The following SLC2A9 variants were observed in gnomAD, a reference collection of about 807,000 sequenced individuals.
SLC2A9 encodes the protein solute carrier family 2, facilitated glucose transporter member 9.
A neutral mutation model predicts 50.6 loss-of-function variants in SLC2A9; 39 were observed. The ratio of observed to expected loss-of-function variants is 0.77; its 90% CI spans 0.60 to 1.01. SLC2A9 has a LOEUF of 1.01. Among genes scored for constraint, SLC2A9 ranks in the 50% least tolerant of loss-of-function variants. The pLI is 0.00. For missense variants in SLC2A9, 686 were observed against 677.6 expected, an observed-to-expected ratio of 1.01 and a Z score of -0.14; for synonymous variants, 324 against 276.9, an observed-to-expected ratio of 1.17 and a Z score of -1.69.
At chr4:9,794,160 G>T (rs2867386), downstream of SLC2A9, among the ~76,000 whole-genome samples, 134,050 of 146,438 alleles carry the variant, frequency 0.92, 61,578 homozygotes, top group Middle Eastern at 0.95. Context: ...TTTTTTTTGT[G>T]TGTGTGATAT....
intron 3 of SLC2A9, chr4:9,783,152 T>C: frequency 1.2e-6 from 2 of 1,614,194 alleles, no homozygotes; most frequent in Non-Finnish European, 1.7e-6. Flanking sequence ...GCTGCTGGGG[T>C]GCAGCCACTT....
In SLC2A9 at chr4:9,921,253, C is replaced by T. The variant is rs566182713; in HGVS notation, c.815-681G>A. On this transcript the variant is annotated intron_variant, in intron 6 of 11. Transcript: ENST00000264784. ...TCAAACCCACCCTCATGATTTATGCCTTTTCCATGTTGAACACTGCAAACT... is the reference window on the plus strand; with the variant it reads ...TCAAACCCACCCTCATGATTTATGCTTTTTCCATGTTGAACACTGCAAACT... Among the ~76,000 whole-genome samples the T allele has an allele frequency of 5.9e-5, 9 of 152,308 alleles. No individual in the cohort carries two copies. In the East Asian group the frequency reaches 1.7e-3, roughly 29 times the overall value.
At chr4:10,028,914 G>GCCCAA (rs1436253816) in intron 1 of SLC2A9, 1 of 152,272 alleles carries the variant, frequency 6.6e-6, no homozygotes. Context: ...TGAAGCTTCA[G>GCCCAA]CCCAATCCCT....
At chr4:9,979,872 G>A (rs908405559) in intron 5 of SLC2A9, among the ~76,000 whole-genome samples, 3 of 152,042 alleles carry the variant, frequency 2.0e-5, no homozygotes, top group African/African-American at 7.3e-5. Context: ...GCCCCATCTT[G>A]AGCCTTTTCT....
intron 3 of SLC2A9, among the ~76,000 whole-genome samples, chr4:9,814,822 C>T (rs1029453388): frequency 5.3e-5 from 8 of 151,902 alleles, no homozygotes; most frequent in African/African-American, 1.7e-4. Context: ...GAAAGTTGCA[C>T]GGCTAAGAGA....
intron 5 of SLC2A9, among the ~76,000 whole-genome samples, chr4:9,947,933 T>C (rs572344212): frequency 6.6e-6 from 1 of 152,286 alleles, no homozygotes; most frequent in Non-Finnish European, 1.5e-5. Flanking sequence ...CATGGCGTGG[T>C]ATGTCCCCTC....
chr4:9,852,378 G>T (rs372006802), intron 10 of SLC2A9, among the ~76,000 whole-genome samples: 2 of 151,372 alleles, frequency 1.3e-5, no homozygotes, highest in Admixed American at 6.6e-5. Context: ...TCAGCCTCCC[G>T]AGTAGCTGGG....
chr4:9,776,644 T>C (rs1188554744), downstream of SLC2A9, among the ~76,000 whole-genome samples: 1 of 152,098 alleles, frequency 6.6e-6, no homozygotes, highest in African/African-American at 2.4e-5. Flanking sequence ...AACCTGTGTC[T>C]TTGTACAGTC....
intron 10 of SLC2A9, among the ~76,000 whole-genome samples, chr4:9,870,597 C>T (rs1733262872): frequency 1.3e-5 from 2 of 152,212 alleles, no homozygotes; most frequent in Admixed American, 1.3e-4. Flanking sequence ...AGGAACACTG[C>T]CACGTTTTCG....
At chr4:9,870,626 T>C (rs1222995757) in intron 10 of SLC2A9, among the ~76,000 whole-genome samples, 1 of 152,350 alleles carries the variant, frequency 6.6e-6, no homozygotes, top group African/African-American at 2.4e-5. Flanking sequence ...TTTCAGGCGA[T>C]AAGCTCACTA....
Position 9,826,242 on chromosome 4 carries a change from A to T in SLC2A9, c.*155T>A. ...TGCAATGTTAGATTAGTACAGGTTTACTTTTAAATATTTAATAATATAAAA... is the reference window on the plus strand; with the variant it reads ...TGCAATGTTAGATTAGTACAGGTTTTCTTTTAAATATTTAATAATATAAAA... On this transcript the variant is annotated 3_prime_UTR_variant, in exon 12 of 12. Transcript: ENST00000264784. 1.4e-6 allele frequency: 1 copy of T among 717,086 alleles called. No individual in the cohort carries two copies. The highest frequency in any genetic ancestry group is 2.4e-6 in the Non-Finnish European group (1 of 422,332). 44.4% of individuals were successfully genotyped at this position (717,086 alleles called of 1,614,324 possible). A position where few individuals can be genotyped will look rare whatever the true frequency, so the allele number is the denominator to read the frequency against.
chr4:9,997,684 A>G (rs1403473021), intron 2 of SLC2A9, among the ~76,000 whole-genome samples: 1 of 152,062 alleles, frequency 6.6e-6, no homozygotes, highest in Non-Finnish European at 1.5e-5. Flanking sequence ...TGGGTGACAG[A>G]GTGACACCCT....
At chr4:9,808,325 T>C (rs1312768469) in intron 3 of SLC2A9, among the ~76,000 whole-genome samples, 1 of 152,202 alleles carries the variant, frequency 6.6e-6, no homozygotes, top group East Asian at 1.9e-4. Flanking sequence ...ACTCTATGCC[T>C]GTCATTACGT....
chr4:9,927,030 ATT>A (rs35095818), intron 6 of SLC2A9, among the ~76,000 whole-genome samples: 2,488 of 135,766 alleles, frequency 0.018, 23 homozygotes, highest in Middle Eastern at 0.055. Flanking sequence ...CTGTTGTTCG[ATT>A]TTTTTTTTTT....
At chr4:9,911,471 A>G (rs986366872) in intron 7 of SLC2A9, among the ~76,000 whole-genome samples, 1 of 152,132 alleles carries the variant, frequency 6.6e-6, no homozygotes. Context: ...CACTCAGGAA[A>G]CTTAAGAGTG....
At chr4:9,925,857 G>T (rs1435357120) in intron 6 of SLC2A9, among the ~76,000 whole-genome samples, 2 of 152,108 alleles carry the variant, frequency 1.3e-5, no homozygotes, top group Admixed American at 6.5e-5. Context: ...GCATCAGCAG[G>T]GGGGCCAGTA....
At chr4:9,917,240 G>GA (rs150798586) in intron 7 of SLC2A9, among the ~76,000 whole-genome samples, 3,026 of 144,632 alleles carry the variant, frequency 0.021, 108 homozygotes, top group African/African-American at 0.071. Flanking sequence ...AAGGCAGAGG[G>GA]AAAAAAAAAT....
chr4:9,909,136 T>C (rs1233669634), intron 7 of SLC2A9, among the ~76,000 whole-genome samples: 2 of 152,206 alleles, frequency 1.3e-5, no homozygotes, highest in Non-Finnish European at 2.9e-5. Context: ...AGTTGGGTAA[T>C]GCACAACCTG....
chr4:9,958,600 C>G (rs1190093735), intron 5 of SLC2A9, among the ~76,000 whole-genome samples: 1 of 152,136 alleles, frequency 6.6e-6, no homozygotes. Context: ...TGTAACAAAC[C>G]TGCATGTTCT....
Sources: allele counts gnomAD v4.1 joint callset (sites outside exome capture counted in the v4.1 genomes callset), GRCh38; gene constraint gnomAD v4.1.1; transcripts MANE v1.5; gene names NCBI Gene and HGNC (gene_info 2026-07-23, HGNC 2026-07-21).